Variants in NAALADL2 observed in about 807,000 individuals in gnomAD.
NAALADL2 encodes inactive N-acetylated-alpha-linked acidic dipeptidase-like protein 2.
In NAALADL2, 76 loss-of-function variants were observed where a neutral mutation model predicts 87.2. The ratio of observed to expected loss-of-function variants is 0.87; its 90% CI spans 0.72 to 1.05. NAALADL2 has a LOEUF of 1.05. NAALADL2 is among the 50% of genes least tolerant of loss of function. The pLI is 0.00. For synonymous variants in NAALADL2, 354 were observed against 331.0 expected, an observed-to-expected ratio of 1.07 and a Z score of -0.75; for missense variants, 1,089 against 945.8, an observed-to-expected ratio of 1.15 and a Z score of -1.99.
chr3:174,847,573 T>C lies in NAALADL2; in HGVS notation c.-9+109827T>C, dbSNP rs375637229. Among the ~76,000 whole-genome samples, 6 of 152,182 alleles carry C rather than the reference T, an allele frequency of 3.9e-5. No individual in the cohort carries two copies. The East Asian group carries it at 9.6e-4, about 24-fold the overall frequency. ...GGTTGGCCAGGATTGGGGAATTTTGTTGGGGTGATAGTGAGATAGTGAGAG... is the reference window on the plus strand; with the variant it reads ...GGTTGGCCAGGATTGGGGAATTTTGCTGGGGTGATAGTGAGATAGTGAGAG... On this transcript the variant is annotated intron_variant, in intron 3 of 3. Coordinates refer to the NAALADL2 transcript ENST00000434257.
At chr3:175,186,507 C>A (rs532653971) in intron 2 of NAALADL2, among the ~76,000 whole-genome samples, 7 of 152,088 alleles carry the variant, frequency 4.6e-5, no homozygotes, top group Non-Finnish European at 7.4e-5. Flanking sequence ...TGAAAACAAC[C>A]AGGATTAGAA....
chr3:174,793,888 A>T (rs922154147), intron 3 of NAALADL2, among the ~76,000 whole-genome samples: 1 of 151,866 alleles, frequency 6.6e-6, no homozygotes, highest in Non-Finnish European at 1.5e-5. Flanking sequence ...GATTTCAATT[A>T]GGCAGGTTAG....
intron 3 of NAALADL2, among the ~76,000 whole-genome samples, chr3:174,823,851 C>T (rs190620842): frequency 6.6e-6 from 1 of 152,274 alleles, no homozygotes; most frequent in East Asian, 1.9e-4. Context: ...GCTGGGACTA[C>T]AGGCATGCAC....
At chr3:175,645,560 A>C (rs1409824029) in intron 11 of NAALADL2, among the ~76,000 whole-genome samples, 1 of 152,072 alleles carries the variant, frequency 6.6e-6, no homozygotes, top group Non-Finnish European at 1.5e-5. Context: ...TGCATATAAG[A>C]ATTATCTAGT....
Position 175,803,209 on chromosome 3 carries a change from C to A in NAALADL2, c.*6C>A. 6.3e-7 allele frequency: 1 copy of A among 1,578,378 alleles called. No homozygotes were observed. Among genetic ancestry groups the A allele is most frequent in the Non-Finnish European group, 8.6e-7 (1 of 1,161,176 alleles). ...TCTTGGATGGGAAGAATTGAGAAAA[C>A]TCTGAGCATTTTTAAAAGTTTGTTT... On this transcript the variant is annotated 3_prime_UTR_variant, in exon 14 of 14. Coordinates refer to ENST00000454872, the MANE Select transcript of NAALADL2 (RefSeq NM_207015.3).
intron 5 of NAALADL2, among the ~76,000 whole-genome samples, chr3:175,421,882 A>C (rs1715761150): frequency 6.6e-6 from 1 of 152,130 alleles, no homozygotes; most frequent in Non-Finnish European, 1.5e-5. Flanking sequence ...TGTGTGATCC[A>C]CAGACATTTG....
At chr3:175,007,567 A>C (rs1579983806) in intron 1 of NAALADL2, among the ~76,000 whole-genome samples, 1 of 152,126 alleles carries the variant, frequency 6.6e-6, no homozygotes, top group East Asian at 1.9e-4. Context: ...AAATTTGAGA[A>C]ACTTCATTTT....
At chr3:175,618,884 G>A (rs1199931537) in intron 10 of NAALADL2, among the ~76,000 whole-genome samples, 1 of 152,128 alleles carries the variant, frequency 6.6e-6, no homozygotes, top group Non-Finnish European at 1.5e-5. Context: ...TCTATACCAT[G>A]GATGTGCACG....
intron 1 of NAALADL2, among the ~76,000 whole-genome samples, chr3:174,937,931 T>C (rs1737944115): frequency 6.6e-6 from 1 of 152,098 alleles, no homozygotes; most frequent in Non-Finnish European, 1.5e-5. Context: ...TATATATTTC[T>C]TTAGCATTTA....
chr3:175,460,260 A>C (rs1722915987), intron 6 of NAALADL2: 1 of 450,036 alleles, frequency 2.2e-6, no homozygotes, highest in African/African-American at 2.0e-5. Context: ...GACTCTAGTG[A>C]AAATAAACAG....
intron 5 of NAALADL2, among the ~76,000 whole-genome samples, chr3:175,387,481 A>G (rs1768538306): frequency 1.3e-5 from 2 of 152,062 alleles, no homozygotes; most frequent in Non-Finnish European, 2.9e-5. Context: ...GCAACCTCCA[A>G]AGGTACCCAA....
At chr3:174,647,297 T>C (rs928176177) in intron 2 of NAALADL2, among the ~76,000 whole-genome samples, 11 of 152,270 alleles carry the variant, frequency 7.2e-5, no homozygotes, top group African/African-American at 2.6e-4. Context: ...GTCTCAATGT[T>C]AGAACTGGTT....
At chr3:175,460,157 G>C (rs559289036) in intron 6 of NAALADL2, 10 of 456,482 alleles carry the variant, frequency 2.2e-5, no homozygotes, top group South Asian at 1.5e-4. Context: ...GTTCAAATTA[G>C]CAATGCCAAC....
intron 3 of NAALADL2, among the ~76,000 whole-genome samples, chr3:174,777,182 T>C (rs1031681431): frequency 3.3e-5 from 5 of 152,102 alleles, no homozygotes; most frequent in African/African-American, 1.2e-4. Flanking sequence ...ATGGAATTCC[T>C]CTTTCTAAAA....
intron 1 of NAALADL2, among the ~76,000 whole-genome samples, chr3:175,008,454 C>T (rs553065890): frequency 1.3e-5 from 2 of 152,270 alleles, no homozygotes; most frequent in East Asian, 1.9e-4. Flanking sequence ...TGTTCTACCA[C>T]ACTTAACTAA....
At position 174,587,888 on chromosome 3, in the gene NAALADL2, C is replaced by T. The variant is rs141314827; in HGVS notation, c.-115+37251C>T. The stretch of plus-strand genomic sequence containing the variant: ...CTCTTCTTGAGGAGTATCTTTGTGG[C>T]GTTCTCTGTATTTCCTGAATTTGAA... On this transcript the variant is annotated intron_variant, in intron 2 of 3. Transcript: ENST00000434257. Among the ~76,000 whole-genome samples, 245 of 152,060 alleles carry T rather than the reference C, an allele frequency of 1.6e-3. 4 individuals are homozygous for T. In the East Asian group the frequency reaches 0.021, roughly 13 times the overall value.
chr3:175,666,682 A>G (rs1733047752), intron 11 of NAALADL2, among the ~76,000 whole-genome samples: 1 of 152,138 alleles, frequency 6.6e-6, no homozygotes, highest in African/African-American at 2.4e-5. Flanking sequence ...CCTGGAGCGT[A>G]ACTATACCAT....
chr3:175,216,664 T>TTTTA (rs1742582813), intron 2 of NAALADL2, among the ~76,000 whole-genome samples: 1 of 111,974 alleles, frequency 8.9e-6, no homozygotes, highest in Non-Finnish European at 1.8e-5. Flanking sequence ...TTTTTTTTTC[T>TTTTA]TTTCTTTTTT....
chr3:175,738,866 G>A (rs1404917233), intron 12 of NAALADL2, among the ~76,000 whole-genome samples: 1 of 152,122 alleles, frequency 6.6e-6, no homozygotes, highest in Non-Finnish European at 1.5e-5. Context: ...TAAGAACAAA[G>A]AAGGTATAAA....
Sources: gnomAD v4.1 joint callset for allele counts (sites outside exome capture counted in the v4.1 genomes callset) on GRCh38, gnomAD v4.1.1 for gene constraint, MANE v1.5 for transcripts, NCBI Gene and HGNC (gene_info 2026-07-23, HGNC 2026-07-21) for gene names.